The following ATG5 variants were observed in gnomAD, a reference collection of about 807,000 sequenced individuals.
ATG5 encodes the protein autophagy related 5.
In ATG5, 14 loss-of-function variants were observed where a neutral mutation model predicts 36.5. The ratio of observed to expected loss-of-function variants is 0.38; its 90% CI spans 0.25 to 0.60. The LOEUF (loss-of-function observed/expected upper bound fraction) is 0.60. Among genes scored for constraint, ATG5 ranks in the 20% least tolerant of loss-of-function variants. The pLI is 0.60. For missense variants in ATG5, 195 were observed against 326.7 expected, an observed-to-expected ratio of 0.60 and a Z score of 3.11; for synonymous variants, 95 against 101.5, an observed-to-expected ratio of 0.94 and a Z score of 0.38.
chr6:106,208,136 G>C (rs1033762585), intron 6 of ATG5, among the ~76,000 whole-genome samples: 1 of 152,084 alleles, frequency 6.6e-6, no homozygotes, highest in African/African-American at 2.4e-5. Flanking sequence ...CATTTATTAT[G>C]GAACCATGGA....
chr6:106,292,454 A>G (rs1044483546), intron 4 of ATG5, among the ~76,000 whole-genome samples: 11 of 152,198 alleles, frequency 7.2e-5, no homozygotes, highest in African/African-American at 2.4e-4. Flanking sequence ...ACAGGAATGA[A>G]CATTTTTCAA....
At chr6:106,245,131 TAAATGACAG>T (rs764423278) in intron 6 of ATG5, among the ~76,000 whole-genome samples, 2 of 152,214 alleles carry the variant, frequency 1.3e-5, no homozygotes, top group Non-Finnish European at 2.9e-5. Context: ...AACTGTTATG[TAAATGACAG>T]AAATGACACA....
intron 6 of ATG5, among the ~76,000 whole-genome samples, chr6:106,220,887 C>T (rs1281600410): frequency 6.6e-6 from 1 of 152,040 alleles, no homozygotes; most frequent in Non-Finnish European, 1.5e-5. Flanking sequence ...TTCTGGATGC[C>T]GACATTCTCT....
intron 2 of ATG5, among the ~76,000 whole-genome samples, chr6:106,312,066 G>A (rs908155478): frequency 2.0e-5 from 3 of 152,052 alleles, no homozygotes; most frequent in Non-Finnish European, 2.9e-5. Flanking sequence ...CCTGACCTCA[G>A]GTGATCCACC....
intron 6 of ATG5, among the ~76,000 whole-genome samples, chr6:106,243,904 CTTTTTTTT>C (rs35701133): frequency 2.2e-4 from 12 of 54,936 alleles, no homozygotes; most frequent in Middle Eastern, 0.021. Flanking sequence ...AGGAACCATC[CTTTTTTTT>C]TTTTTTTTTT....
intron 3 of ATG5, 47 bp downstream of exon 3, chr6:106,308,317 A>T (rs1189530207): frequency 2.1e-6 from 3 of 1,435,946 alleles, no homozygotes; most frequent in African/African-American, 1.5e-5. Flanking sequence ...TACCTTTTTA[A>T]AGCTAGTATA....
At chr6:106,244,594 G>A (rs1201427461) in intron 6 of ATG5, among the ~76,000 whole-genome samples, 1 of 152,154 alleles carries the variant, frequency 6.6e-6, no homozygotes, top group African/African-American at 2.4e-5. Context: ...ATTCTTCCTG[G>A]GGCATTAGGT....
intron 6 of ATG5, among the ~76,000 whole-genome samples, chr6:106,214,264 C>T (rs1776957538): frequency 6.6e-6 from 1 of 152,018 alleles, no homozygotes; most frequent in South Asian, 2.1e-4. Context: ...CAAATGAATG[C>T]TTTTAGAGCT....
At chr6:106,262,727 GCATTCCTTCACCCA>G (rs1779074611) in intron 5 of ATG5, among the ~76,000 whole-genome samples, 2 of 152,146 alleles carry the variant, frequency 1.3e-5, no homozygotes, top group East Asian at 3.9e-4. Flanking sequence ...GCAGGGTGGG[GCATTCCTTCACCCA>G]GGATGTGCAA....
At chr6:106,251,644 A>AGGGG (rs1289999355) in intron 5 of ATG5, among the ~76,000 whole-genome samples, 6 of 262 alleles carry the variant, frequency 0.023, no homozygotes, top group African/African-American at 0.054. Context: ...AGAGAGAGAG[A>AGGGG]GAGGGAGGGA....
At chr6:106,263,334 G>A (rs750206416) in intron 5 of ATG5, among the ~76,000 whole-genome samples, 2 of 152,208 alleles carry the variant, frequency 1.3e-5, no homozygotes. Context: ...GAAAGGTAAT[G>A]GCCCCACTCA....
intron 1 of ATG5, among the ~76,000 whole-genome samples, chr6:106,321,770 T>A (rs1161257735): frequency 6.6e-6 from 1 of 152,146 alleles, no homozygotes; most frequent in Non-Finnish European, 1.5e-5. Context: ...TGCAATGTAG[T>A]TATCTGTTTA....
intron 3 of ATG5, among the ~76,000 whole-genome samples, chr6:106,300,246 T>C (rs927913312): frequency 6.6e-6 from 1 of 152,126 alleles, no homozygotes; most frequent in Admixed American, 6.5e-5. Flanking sequence ...AAGGTCTGAT[T>C]TTTCACACAC....
At chr6:106,320,939 T>C (rs1771042403) in intron 1 of ATG5, among the ~76,000 whole-genome samples, 1 of 152,196 alleles carries the variant, frequency 6.6e-6, no homozygotes, top group African/African-American at 2.4e-5. Flanking sequence ...AATGAGTGCC[T>C]GACCTAGAGA....
chr6:106,266,380 G>C (rs1267134923), intron 5 of ATG5, among the ~76,000 whole-genome samples: 1 of 152,140 alleles, frequency 6.6e-6, no homozygotes, highest in East Asian at 1.9e-4. Flanking sequence ...AAAAGTCCAG[G>C]ACCAGACGGA....
intron 6 of ATG5, among the ~76,000 whole-genome samples, chr6:106,215,202 T>C (rs946461360): frequency 6.6e-5 from 10 of 152,182 alleles, no homozygotes; most frequent in African/African-American, 2.2e-4. Context: ...GAAATCAAAA[T>C]AGCAAGAAGA....
intron 7 of ATG5, among the ~76,000 whole-genome samples, chr6:106,197,903 A>G (rs1776264089): frequency 6.6e-6 from 1 of 152,220 alleles, no homozygotes; most frequent in Non-Finnish European, 1.5e-5. Flanking sequence ...GTACTCAAAA[A>G]GGGAAAAAAA....
intron 6 of ATG5, among the ~76,000 whole-genome samples, chr6:106,237,425 G>A (rs747683514): frequency 6.6e-6 from 1 of 152,142 alleles, no homozygotes; most frequent in Non-Finnish European, 1.5e-5. Flanking sequence ...TGCACATGCA[G>A]TATATACTAT....
intron 2 of ATG5, among the ~76,000 whole-genome samples, chr6:106,311,719 G>C (rs942211300): frequency 6.6e-6 from 1 of 151,970 alleles, no homozygotes; most frequent in Non-Finnish European, 1.5e-5. Context: ...GCAAGCAAGT[G>C]ACAAGATCAG....
Sources: gnomAD v4.1 joint callset for allele counts (sites outside exome capture counted in the v4.1 genomes callset) on GRCh38, gnomAD v4.1.1 for gene constraint, MANE v1.5 for transcripts, NCBI Gene and HGNC (gene_info 2026-07-23, HGNC 2026-07-21) for gene names.